PDE1C: variants seen among roughly 807,000 people sequenced by gnomAD.
The protein encoded by PDE1C is phosphodiesterase 1C.
A neutral mutation model predicts 93.1 loss-of-function variants in PDE1C; 62 were observed. The observed-to-expected ratio is 0.67, with a 90% CI of 0.54 to 0.82. The LOEUF (loss-of-function observed/expected upper bound fraction) is 0.82. Among genes scored for constraint, PDE1C ranks in the 40% least tolerant of loss-of-function variants. The pLI is 0.00. For missense variants in PDE1C, 742 were observed against 884.6 expected (o/e 0.84, Z 2.04); for synonymous variants, 325 against 310.1 (o/e 1.05, Z -0.50).
chr7:32,056,321 TCTC>T (rs1384829434), intron 1 of PDE1C, among the ~76,000 whole-genome samples: 1 of 3,686 alleles, frequency 2.7e-4, no homozygotes, highest in South Asian at 9.3e-3. Context: ...GGTCCACCGT[TCTC>T]TCTCTCTCTC....
chr7:32,096,687 TC>T (rs1437286805), intron 3 of PDE1C, among the ~76,000 whole-genome samples: 1 of 152,216 alleles, frequency 6.6e-6, no homozygotes, highest in Admixed American at 6.5e-5. Context: ...TCCCACTATG[TC>T]TTCTGCACAT....
intron 2 of PDE1C, among the ~76,000 whole-genome samples, chr7:31,888,927 A>C (rs899168257): frequency 6.6e-6 from 1 of 152,218 alleles, no homozygotes; most frequent in African/African-American, 2.4e-5. Context: ...CATCAAAACG[A>C]AACAGTTTCT....
At chr7:31,636,708 A>G in the PDE1C span, among the ~76,000 whole-genome samples, 1 of 151,554 alleles carries the variant, frequency 6.6e-6, no homozygotes, top group Non-Finnish European at 1.5e-5. Context: ...GAAGCACATA[A>G]AGGGATCTTT....
chr7:32,238,965 T>C (rs1808346816), intron 1 of PDE1C, among the ~76,000 whole-genome samples: 1 of 152,174 alleles, frequency 6.6e-6, no homozygotes, highest in Non-Finnish European at 1.5e-5. Flanking sequence ...TTTTAAAACA[T>C]CTGTTTCAGA....
At chr7:31,774,588 T>C (rs1429950000) in intron 17 of PDE1C, among the ~76,000 whole-genome samples, 1 of 152,200 alleles carries the variant, frequency 6.6e-6, no homozygotes, top group Non-Finnish European at 1.5e-5. Context: ...GAATGTAAGG[T>C]CACTTATAAA....
intron 1 of PDE1C, among the ~76,000 whole-genome samples, chr7:32,068,447 TG>T (rs1563279590): frequency 6.6e-6 from 1 of 152,190 alleles, no homozygotes; most frequent in Non-Finnish European, 1.5e-5. Context: ...GGTAAAAATA[TG>T]TATAATAATA....
chr7:32,139,920 A>C (rs1584839505), intron 3 of PDE1C, among the ~76,000 whole-genome samples: 1 of 151,896 alleles, frequency 6.6e-6, no homozygotes, highest in African/African-American at 2.4e-5. Context: ...CTAAGGCCTA[A>C]CCATCATGCT....
chr7:31,775,884 G>T (rs1222613068), intron 16 of PDE1C, among the ~76,000 whole-genome samples, 152 bp from the exon 17 acceptor site: 1 of 152,186 alleles, frequency 6.6e-6, no homozygotes. Context: ...CATATTCTGT[G>T]GTCCAGAAAA....
chr7:32,068,130 G>A (rs563681770), intron 1 of PDE1C, among the ~76,000 whole-genome samples: 3 of 152,346 alleles, frequency 2.0e-5, no homozygotes, highest in South Asian at 4.1e-4. Context: ...CTATAAAGGT[G>A]TCATGGTAAT....
At chr7:32,133,774 C>G (rs1275608416) in intron 3 of PDE1C, among the ~76,000 whole-genome samples, 1 of 151,966 alleles carries the variant, frequency 6.6e-6, no homozygotes, top group Non-Finnish European at 1.5e-5. Context: ...TATGAGAAAC[C>G]AGGATAATGT....
chr7:31,834,293 C>T (rs564207353), intron 11 of PDE1C, among the ~76,000 whole-genome samples: 2 of 152,300 alleles, frequency 1.3e-5, no homozygotes, highest in African/African-American at 4.8e-5. Flanking sequence ...ACACAGAGTC[C>T]CTACTAGGGC....
intron 2 of PDE1C, among the ~76,000 whole-genome samples, chr7:31,928,201 T>C (rs756052749): frequency 6.6e-6 from 1 of 151,710 alleles, no homozygotes; most frequent in Non-Finnish European, 1.5e-5. Flanking sequence ...AGATTGAATA[T>C]CAACTTAATG....
At chr7:32,276,098 T>C (rs1335279776) in intron 1 of PDE1C, among the ~76,000 whole-genome samples, 1 of 152,244 alleles carries the variant, frequency 6.6e-6, no homozygotes, top group Non-Finnish European at 1.5e-5. Context: ...ATTACAATAC[T>C]ATTCCTGATA....
chr7:31,995,221 C>A lies in PDE1C; in HGVS notation c.128+56333G>T, dbSNP rs529715848. The stretch of plus-strand genomic sequence containing the variant: ...CCTTTAACTATAGGTGTAGCTACTG[C>A]CCAAAGGGTTCCTAAAATTACAGTG... On this transcript the variant is annotated intron_variant, in intron 2 of 17. Transcript: ENST00000396191. 2.6e-5 allele frequency among the ~76,000 whole-genome samples: 4 copies of A among 152,220 alleles called. No individual in the cohort carries two copies. In the South Asian group the frequency reaches 6.2e-4, roughly 24 times the overall value.
At chr7:31,732,299 A>G in the PDE1C span, among the ~76,000 whole-genome samples, 1 of 152,166 alleles carries the variant, frequency 6.6e-6, no homozygotes, top group Admixed American at 6.5e-5. Flanking sequence ...ATCAATGTCC[A>G]GTCATTGTAT....
rs534811508 is a variant in PDE1C at position 32,147,684 on chromosome 7, C to T, written c.308+22101G>A. Among the ~76,000 whole-genome samples the T allele has an allele frequency of 2.8e-4, 43 of 152,080 alleles. 1 individual carries two copies. The highest frequency in any genetic ancestry group is 8.5e-4 in the African/African-American group (35 of 41,412). On this transcript the variant is annotated intron_variant, in intron 3 of 18. Coordinates refer to the PDE1C transcript ENST00000396193. The stretch of plus-strand genomic sequence containing the variant: ...CTGGACTCTCCTTCCATTTTAGGAA[C>T]TTGGAATCTTCCTCCCACCCCCCCT...
At chr7:31,878,902 A>G in intron 4 of PDE1C, 94 bp downstream of exon 4, 2 of 1,245,342 alleles carry the variant, frequency 1.6e-6, no homozygotes, top group Non-Finnish European at 2.3e-6. Flanking sequence ...ATTTATAAAG[A>G]TAGGAAAACT....
chr7:31,965,857 T>G (rs62456054), intron 2 of PDE1C, among the ~76,000 whole-genome samples: 17,930 of 152,186 alleles, frequency 0.12, 1,350 homozygotes, highest in Admixed American at 0.23. Flanking sequence ...CCAGCCAAAC[T>G]AAGCTTCATA....
intron 2 of PDE1C, among the ~76,000 whole-genome samples, chr7:31,961,494 A>G (rs192851883): frequency 6.6e-6 from 1 of 152,182 alleles, no homozygotes; most frequent in African/African-American, 2.4e-5. Flanking sequence ...ACACTCTCTC[A>G]TTTATTCCTA....
Sources: gnomAD v4.1 joint callset for allele counts (sites outside exome capture counted in the v4.1 genomes callset) on GRCh38, gnomAD v4.1.1 for gene constraint, MANE v1.5 for transcripts, NCBI Gene and HGNC (gene_info 2026-07-23, HGNC 2026-07-21) for gene names.